Variants in ZNF260 observed in about 807,000 individuals in gnomAD.
The protein encoded by ZNF260 is zfp-260.
A neutral mutation model predicts 29.3 loss-of-function variants in ZNF260; 21 were observed. The observed-to-expected ratio is 0.72, with a 90% CI of 0.51 to 1.03. The LOEUF (loss-of-function observed/expected upper bound fraction) is 1.03, where lower values mean the gene tolerates loss of function less well. Ranked by LOEUF, ZNF260 falls within the 50% of genes least tolerant of loss-of-function variation. The pLI is 0.00. For missense variants in ZNF260, 465 were observed against 487.8 expected (o/e 0.95, Z 0.44); for synonymous variants, 156 against 156.8 (o/e 0.99, Z 0.04).
At position 36,512,255 on chromosome 19, in the gene ZNF260, C is replaced by T. The variant is rs1031925263; in HGVS notation, c.*1745G>A. The T allele has an allele frequency of 6.6e-6, 1 of 152,080 alleles. No individual in the cohort carries two copies. The highest frequency in any genetic ancestry group is 1.9e-4 in the East Asian group (1 of 5,194). 9.4% of individuals were successfully genotyped at this position (152,080 alleles called of 1,614,324 possible). ...AAAGATAAGATTTTAGAAATATCTT[C>T]TACAGAATATTAGTATCTGACTAGG... On this transcript the variant is annotated 3_prime_UTR_variant, in exon 3 of 3. Transcript: ENST00000523638.
chr19:36,527,141 C>T (rs962018845), intron 1 of ZNF260, among the ~76,000 whole-genome samples: 4 of 152,116 alleles, frequency 2.6e-5, no homozygotes, highest in Non-Finnish European at 4.4e-5. Context: ...CAGAAACAGA[C>T]ATTTATTAGT....
intron 2 of ZNF260, among the ~76,000 whole-genome samples, chr19:36,523,705 G>A (rs184931894): frequency 4.7e-4 from 71 of 151,598 alleles, no homozygotes; most frequent in African/African-American, 1.5e-3. Flanking sequence ...AGGCTCCTGA[G>A]TAGCTGGGAT....
rs1397433284 is a variant in ZNF260 at position 36,515,697 on chromosome 19, C to A, written c.-459G>T. The A allele has an allele frequency of 6.3e-6, 1 of 158,944 alleles. No individual in the cohort carries two copies. Among genetic ancestry groups the A allele is most frequent in the Non-Finnish European group, 1.5e-5 (1 of 68,440 alleles). 9.8% of individuals were successfully genotyped at this position (158,944 alleles called of 1,614,324 possible). ...ATCTGTTTATAAACTTCCCAGGCTT[C>A]TTCTAAAAGGAAGTACAAAAAAATC... On this transcript the variant is annotated splice_region_variant and 5_prime_UTR_variant, in exon 3 of 3. Coordinates refer to ENST00000523638, the MANE Select transcript of ZNF260 (RefSeq NM_001166037.2).
intron 2 of ZNF260, among the ~76,000 whole-genome samples, chr19:36,520,383 A>G (rs907153617): frequency 6.6e-6 from 1 of 152,190 alleles, no homozygotes; most frequent in Admixed American, 6.5e-5. Context: ...ATAACTATAG[A>G]TAGAAAATAT....
chr19:36,527,952 T>A (rs994850634), intron 1 of ZNF260, among the ~76,000 whole-genome samples: 1 of 152,082 alleles, frequency 6.6e-6, no homozygotes, highest in African/African-American at 2.4e-5. Flanking sequence ...AAGCCATCCG[T>A]CCATCCTCAC....
chr19:36,522,459 A>T lies in ZNF260; in HGVS notation c.-462+2696T>A, dbSNP rs564860770. 9.2e-5 allele frequency among the ~76,000 whole-genome samples: 14 copies of T among 152,292 alleles called. No homozygotes were observed. In the East Asian group the frequency reaches 9.6e-4, roughly 10 times the overall value. On this transcript the variant is annotated intron_variant, in intron 2 of 2. Coordinates refer to ENST00000523638, the MANE Select transcript of ZNF260 (RefSeq NM_001166037.2). ...CAACAAGAGTGAAACTCCATCTCAA[A>T]AAATAAATAAATAAATAAAATAAAA...
Position 36,524,316 on chromosome 19 carries a change from C to T in ZNF260, c.-462+839G>A, listed in dbSNP as rs929936786. Among the ~76,000 whole-genome samples the T allele has an allele frequency of 8.5e-5, 13 of 152,110 alleles. No individual in the cohort carries two copies. In the South Asian group the frequency reaches 2.7e-3, roughly 32 times the overall value. On this transcript the variant is annotated intron_variant, in intron 2 of 2. Coordinates refer to ENST00000523638, the MANE Select transcript of ZNF260 (RefSeq NM_001166037.2). ...TCAGCCTCCTGAGTAGCTGGAACTACAGGCGCCCGCCACCACACCTGGCTA... is the reference window on the plus strand; with the variant it reads ...TCAGCCTCCTGAGTAGCTGGAACTATAGGCGCCCGCCACCACACCTGGCTA...
At position 36,513,499 on chromosome 19, in the gene ZNF260, C is replaced by T. The variant is rs769980500; in HGVS notation, c.*501G>A. The T allele has an allele frequency of 1.8e-4, 65 of 366,862 alleles. No homozygotes were observed. Among genetic ancestry groups the T allele is most frequent in the Non-Finnish European group, 2.8e-4 (57 of 206,794 alleles). 22.7% of individuals were successfully genotyped at this position (366,862 alleles called of 1,614,324 possible). A position where few individuals can be genotyped will look rare whatever the true frequency, so the allele number is the denominator to read the frequency against. On this transcript the variant is annotated 3_prime_UTR_variant, in exon 3 of 3. Transcript: ENST00000523638. ...TGATTTCCCCACCAATCTGGGATACCGCCTCTATCAATTACCAATTCCCCA... is the reference window on the plus strand; with the variant it reads ...TGATTTCCCCACCAATCTGGGATACTGCCTCTATCAATTACCAATTCCCCA...
intron 2 of ZNF260, among the ~76,000 whole-genome samples, chr19:36,523,577 CTT>C (rs765534834): frequency 1.1e-4 from 15 of 134,840 alleles, no homozygotes; most frequent in Non-Finnish European, 1.1e-4. Context: ...AGTATTATTT[CTT>C]TTTTTTTTTT....
intron 2 of ZNF260, among the ~76,000 whole-genome samples, chr19:36,522,004 G>A (rs180813175): frequency 7.3e-5 from 11 of 149,820 alleles, no homozygotes; most frequent in East Asian, 2.0e-4. Context: ...AGCCGAGATC[G>A]CGCCACTGCA....
chr19:36,511,252 C>G lies in ZNF260; in HGVS notation c.*2748G>C, dbSNP rs567289341. ...TCATTCAAAAACATCAGGCCGGGCA[C>G]GGTGGCTCACGCCTGTAATCCCAGC... On this transcript the variant is annotated 3_prime_UTR_variant, in exon 3 of 3. Transcript: ENST00000523638. 5 of 152,032 alleles carry G rather than the reference C, an allele frequency of 3.3e-5. No individual in the cohort carries two copies. Among genetic ancestry groups the G allele is most frequent in the Admixed American group, 6.6e-5 (1 of 15,234 alleles). 9.4% of individuals were successfully genotyped at this position (152,032 alleles called of 1,614,324 possible).
At chr19:36,527,763 G>A (rs555998406) in intron 1 of ZNF260, among the ~76,000 whole-genome samples, 6 of 152,182 alleles carry the variant, frequency 3.9e-5, no homozygotes, top group African/African-American at 1.4e-4. Context: ...AAAAATAATG[G>A]AAAGGTAATG....
At chr19:36,524,534 T>TTTTTTTTTTTTTTTTTTTG (rs1555779912) in intron 2 of ZNF260, among the ~76,000 whole-genome samples, 1 of 125,964 alleles carries the variant, frequency 7.9e-6, no homozygotes, top group Non-Finnish European at 1.8e-5. Context: ...TTTTTTTTTT[T>TTTTTTTTTTTTTTTTTTTG]ATTGATCATT....
intron 2 of ZNF260, among the ~76,000 whole-genome samples, chr19:36,520,591 C>T (rs1485752172): frequency 1.3e-5 from 2 of 152,012 alleles, no homozygotes; most frequent in African/African-American, 4.8e-5. Context: ...TTGAGCCCAG[C>T]AGTTCAAGAC....
chr19:36,514,639 A>C lies in ZNF260; in HGVS notation c.600T>G (p.Ala200=). 1.2e-6 allele frequency: 2 copies of C among 1,613,730 alleles called. No homozygotes were observed. Among genetic ancestry groups the C allele is most frequent in the Non-Finnish European group, 1.7e-6 (2 of 1,179,938 alleles). ...TAATGAGGTTTTCCTTCTGGCTAAAAGCTTTTCCACACTCACTACATTTAA... is the reference window on the plus strand; with the variant it reads ...TAATGAGGTTTTCCTTCTGGCTAAACGCTTTTCCACACTCACTACATTTAA... ...KPFKCSECGK[A]FSQKENLIIH... The change falls in exon 3 of 3, where the codon GCT becomes GCG. Residue 200 remains alanine, a synonymous_variant. Transcript: ENST00000523638.
chr19:36,522,889 A>C (rs80008067), intron 2 of ZNF260, among the ~76,000 whole-genome samples: 8 of 152,230 alleles, frequency 5.3e-5, no homozygotes, highest in Non-Finnish European at 1.2e-4. Flanking sequence ...TTAAACTGGC[A>C]CTTTGAAGTT....
At position 36,522,638 on chromosome 19, in the gene ZNF260, A is replaced by AGTCTTT. The variant is rs879937445; in HGVS notation, c.-462+2516_-462+2517insAAAGAC. 5.1e-3 allele frequency among the ~76,000 whole-genome samples: 784 copies of AGTCTTT among 152,290 alleles called. 7 individuals are homozygous for AGTCTTT. Among genetic ancestry groups the AGTCTTT allele is most frequent in the African/African-American group, 0.018 (743 of 41,560 alleles). On this transcript the variant is annotated intron_variant, in intron 2 of 2. Coordinates refer to ENST00000523638, the MANE Select transcript of ZNF260 (RefSeq NM_001166037.2). ...GCCTACAAAGACTTAAATATTAACC[A>AGTCTTT]TCTGGCCCTTTACAGAAAAAGCTTG...
Position 36,514,357 on chromosome 19 carries a change from A to G in ZNF260, c.882T>C (p.His294=). ...GTTTCTCTCCTGTATGAATATTGTG[A>G]TGTTTAATGAGGTATTGCTTCTGCC... The part of the protein sequence containing the change: ...IFRQKQYLIK[H]HNIHTGEKPY... The change falls in exon 3 of 3, where the codon CAT becomes CAC. Residue 294 remains histidine, a synonymous_variant. Transcript: ENST00000523638. 6.8e-6 allele frequency: 11 copies of G among 1,614,088 alleles called. No individual in the cohort carries two copies. Among genetic ancestry groups the G allele is most frequent in the Non-Finnish European group, 9.3e-6 (11 of 1,180,012 alleles).
chr19:36,513,778 C>T lies in ZNF260; in HGVS notation c.*222G>A, dbSNP rs1331897530. On this transcript the variant is annotated 3_prime_UTR_variant, in exon 3 of 3. Transcript: ENST00000523638. ...AGATCCTAACTTTAATGAGTATACT[C>T]CTAGAAGTACAGCATTGATAATGCT... The T allele has an allele frequency of 5.1e-6, 3 of 584,120 alleles. No homozygotes were observed. Among genetic ancestry groups the T allele is most frequent in the Admixed American group, 3.0e-5 (1 of 33,308 alleles). The allele number at this position is 584,120 out of a possible 1,614,324, so 36.2% of individuals were successfully genotyped here.
Sources: allele counts gnomAD v4.1 joint callset (sites outside exome capture counted in the v4.1 genomes callset), GRCh38; gene constraint gnomAD v4.1.1; transcripts MANE v1.5; gene names NCBI Gene and HGNC (gene_info 2026-07-23, HGNC 2026-07-21).